Variants in ATP8A1 observed in about 807,000 individuals in gnomAD.
ATP8A1 encodes the protein ATPase phospholipid transporting 8A1, also known as phospholipid-transporting ATPase IA.
Under a neutral mutation model 177.7 loss-of-function variants are expected in ATP8A1, and 90 were observed. The observed-to-expected ratio is 0.51, with a 90% confidence interval of 0.43 to 0.60. The LOEUF (loss-of-function observed/expected upper bound fraction) is 0.60, where lower values mean the gene tolerates loss of function less well. Among genes scored for constraint, ATP8A1 ranks in the 20% least tolerant of loss-of-function variants. ATP8A1 has a pLI of 0.00. For synonymous variants in ATP8A1, 493 were observed against 485.9 expected (o/e 1.01, Z -0.19); for missense variants, 1,072 against 1,392.8 (o/e 0.77, Z 3.67).
chr4:42,534,304 T>C lies in ATP8A1; in HGVS notation c.1723-9457A>G, dbSNP rs56302043. 3.4e-3 allele frequency among the ~76,000 whole-genome samples: 517 copies of C among 152,034 alleles called. 4 individuals carry two copies. Among genetic ancestry groups the C allele is most frequent in the African/African-American group, 0.012 (498 of 41,464 alleles). ...AGGATATGACTGGAAAAATCTCCAG[T>C]GAAACAGATAGCATAAATAAAAAAC... On this transcript the variant is annotated intron_variant, in intron 20 of 36. Coordinates refer to ENST00000381668, the MANE Select transcript of ATP8A1 (RefSeq NM_006095.2).
rs13121230 is a variant in ATP8A1, at chr4:42,430,662, T to C, written c.3124-6957A>G. 5.4e-3 allele frequency among the ~76,000 whole-genome samples: 827 copies of C among 152,260 alleles called. 3 individuals are homozygous for C. The highest frequency in any genetic ancestry group is 8.6e-3 in the Non-Finnish European group (587 of 68,006). ...ACCCTCCGGTGGGCCCCAGTGTGTG[T>C]TGCTCCCCTCTACGTGTCCATGTGT... is the stretch of plus-strand genomic sequence containing the variant. On this transcript the variant is annotated intron_variant, in intron 33 of 36. Transcript: ENST00000381668.
chr4:42,490,780 C>A (rs776931618), intron 24 of ATP8A1, among the ~76,000 whole-genome samples: 1 of 152,182 alleles, frequency 6.6e-6, no homozygotes, highest in Admixed American at 6.5e-5. Context: ...ATTCCCTTGA[C>A]CCTACTTTCC....
chr4:42,656,418 A>G (rs867194525), intron 1 of ATP8A1, among the ~76,000 whole-genome samples: 75 of 152,040 alleles, frequency 4.9e-4, no homozygotes, highest in Middle Eastern at 3.2e-3. Flanking sequence ...AGCCGGGGAA[A>G]AGCAAACTCG....
intron 7 of ATP8A1, among the ~76,000 whole-genome samples, chr4:42,589,861 T>TG (rs1019295103): frequency 7.9e-5 from 12 of 152,100 alleles, no homozygotes; most frequent in African/African-American, 2.9e-4. Context: ...ACTTTTTTTT[T>TG]TTGCATAAAG....
intron 1 of ATP8A1, among the ~76,000 whole-genome samples, chr4:42,634,297 A>G (rs1739055398): frequency 6.6e-6 from 1 of 152,230 alleles, no homozygotes; most frequent in East Asian, 1.9e-4. Flanking sequence ...AAAGAAATGT[A>G]GGATTTTTAA....
chr4:42,531,546 T>C (rs938935472), intron 20 of ATP8A1, among the ~76,000 whole-genome samples: 2 of 152,140 alleles, frequency 1.3e-5, no homozygotes, highest in African/African-American at 2.4e-5. Context: ...CTATTCAAAA[T>C]AGTACTGGAA....
At chr4:42,580,067 A>T in intron 10 of ATP8A1, 89 bp from the exon 11 acceptor site, 1 of 1,023,498 alleles carries the variant, frequency 9.8e-7, no homozygotes, top group Non-Finnish European at 1.4e-6. Flanking sequence ...TGACAAAGTC[A>T]CAACTCAGTA....
intron 16 of ATP8A1, 53 bp downstream of exon 16, chr4:42,555,915 C>T: frequency 8.4e-7 from 1 of 1,192,592 alleles, no homozygotes; most frequent in South Asian, 1.3e-5. Context: ...TTCAGAGAAA[C>T]ATTCATTAGT....
intron 24 of ATP8A1, among the ~76,000 whole-genome samples, chr4:42,486,664 T>C (rs1722229062): frequency 1.3e-5 from 2 of 152,220 alleles, no homozygotes; most frequent in South Asian, 4.1e-4. Flanking sequence ...GGGGAATATA[T>C]GCATCACTTA....
At chr4:42,647,814 G>A (rs180863990) in intron 1 of ATP8A1, among the ~76,000 whole-genome samples, 90 of 152,020 alleles carry the variant, frequency 5.9e-4, no homozygotes, top group Non-Finnish European at 9.1e-4. Context: ...ATCATGTCAG[G>A]GCCACTACAT....
At chr4:42,487,072 G>A (rs1419788474) in intron 24 of ATP8A1, among the ~76,000 whole-genome samples, 2 of 152,174 alleles carry the variant, frequency 1.3e-5, no homozygotes, top group Non-Finnish European at 2.9e-5. Context: ...TGCACAATCT[G>A]TAAACTCTTG....
In ATP8A1 at chr4:42,522,156, G is replaced by A. The variant is rs758002630; in HGVS notation, c.1947+4C>T. 1.1e-5 allele frequency: 18 copies of A among 1,604,612 alleles called. No individual in the cohort carries two copies. The East Asian group carries it at 1.8e-4, about 16-fold the overall frequency. On this transcript the variant is annotated splice_donor_region_variant and intron_variant, in intron 22 of 36. Transcript: ENST00000381668. Reference sequence around the variant, plus strand: ...CTGTATGATCAACAGAATCATCCACGTACCTTTTCAATCAACTCATAACTC... The same window carrying A: ...CTGTATGATCAACAGAATCATCCACATACCTTTTCAATCAACTCATAACTC...
intron 5 of ATP8A1, among the ~76,000 whole-genome samples, chr4:42,605,731 A>G (rs9291220): frequency 0.55 from 83,444 of 151,794 alleles, 23,385 homozygotes; most frequent in South Asian, 0.67. Context: ...ACCTTTTGCG[A>G]ATCTTTGTCT....
intron 30 of ATP8A1, among the ~76,000 whole-genome samples, chr4:42,449,680 A>T (rs1334289570): frequency 3.3e-5 from 5 of 152,194 alleles, no homozygotes. Flanking sequence ...GCTAAACGTC[A>T]ATTCACCCCT....
chr4:42,522,312 GCATA>G lies in ATP8A1; in HGVS notation c.1808-17_1808-14del, dbSNP rs1172648525. The G allele has an allele frequency of 6.2e-7, 1 of 1,612,028 alleles. No homozygotes were observed. Among genetic ancestry groups the G allele is most frequent in the Non-Finnish European group, 8.5e-7 (1 of 1,179,562 alleles). Reference sequence around the variant, plus strand: ...AAAGTTCTTAACCCTGAAAAAGATAGCATACATCACCCCAACACACCAAAGATTT... The same window carrying G: ...AAAGTTCTTAACCCTGAAAAAGATAGCATCACCCCAACACACCAAAGATTT... On this transcript the variant is annotated splice_polypyrimidine_tract_variant and intron_variant, in intron 21 of 36. Coordinates refer to ENST00000381668, the MANE Select transcript of ATP8A1 (RefSeq NM_006095.2).
In ATP8A1 at chr4:42,616,075, G is replaced by A. The variant is rs1372912447; in HGVS notation, c.367C>T (p.Arg123Ter). The change falls in exon 5 of 37, where the codon CGA becomes TGA. Residue 123 changes from arginine (R) to a stop codon, truncating the protein, a stop_gained. Coordinates refer to ENST00000381668, the MANE Select transcript of ATP8A1 (RefSeq NM_006095.2). LOFTEE classifies it high-confidence loss of function. ...TTCACTGCATTATCAGCTTTATGTCGTTTCTAAAGTTTAAAAGCAAAAAGA... is the reference window on the plus strand; with the variant it reads ...TTCACTGCATTATCAGCTTTATGTCATTTCTAAAGTTTAAAAGCAAAAAGA... ...AIKEIIEDIK[R>*]HKADNAVNKK... is the part of the protein sequence containing the mutation. The A allele has an allele frequency of 6.8e-6, 11 of 1,609,736 alleles. No individual in the cohort carries two copies. The highest frequency in any genetic ancestry group is 1.1e-5 in the South Asian group (1 of 89,810).
At chr4:42,464,621 T>C in intron 27 of ATP8A1, 69 bp downstream of exon 27, 1 of 873,626 alleles carries the variant, frequency 1.1e-6, no homozygotes, top group Non-Finnish European at 1.8e-6. Context: ...TGAGAAAACG[T>C]CTCCATAAAG....
chr4:42,607,649 A>G (rs1469075121), intron 5 of ATP8A1, among the ~76,000 whole-genome samples: 1 of 143,952 alleles, frequency 6.9e-6, no homozygotes, highest in Non-Finnish European at 1.5e-5. Flanking sequence ...TTTTTTTTTA[A>G]TGTATTCATT....
At chr4:42,438,887 A>T (rs568491708) in intron 33 of ATP8A1, among the ~76,000 whole-genome samples, 1 of 152,286 alleles carries the variant, frequency 6.6e-6, no homozygotes, top group Non-Finnish European at 1.5e-5. Context: ...GAAAACAAGG[A>T]GTATCTGGCA....
Sources: allele counts gnomAD v4.1 joint callset (sites outside exome capture counted in the v4.1 genomes callset), GRCh38; gene constraint gnomAD v4.1.1; transcripts MANE v1.5; gene names NCBI Gene and HGNC (gene_info 2026-07-23, HGNC 2026-07-21).